Variants in AHDC1 observed in about 807,000 individuals in gnomAD.
AHDC1 encodes transcription factor Gibbin.
Under a neutral mutation model 87.9 loss-of-function variants are expected in AHDC1, and 7 were observed. The ratio of observed to expected loss-of-function variants is 0.08; its 90% CI spans 0.05 to 0.15. The LOEUF (loss-of-function observed/expected upper bound fraction) is 0.15, where lower values mean the gene tolerates loss of function less well. Ranked by LOEUF, AHDC1 falls within the 10% of genes least tolerant of loss-of-function variation. The pLI, the probability that AHDC1 is intolerant of heterozygous loss-of-function variation, is 1.00. For missense variants in AHDC1, 1,841 were observed against 2,253.2 expected, an observed-to-expected ratio of 0.82 and a Z score of 3.70; for synonymous variants, 1,051 against 1,006.8, an observed-to-expected ratio of 1.04 and a Z score of -0.83.
intron 3 of AHDC1, among the ~76,000 whole-genome samples, chr1:27,587,722 C>T (rs997921849): frequency 3.9e-5 from 6 of 152,132 alleles, no homozygotes; most frequent in Admixed American, 1.3e-4. Flanking sequence ...CATCTGATGT[C>T]CCCCCATGTC....
rs911417234 is a variant in AHDC1 at position 27,560,713 on chromosome 1, T to C, written c.-628-1830A>G. Reference sequence around the variant, plus strand: ...TGTCTCTGTGTATGTCAGTGGGTCCTTGTGCTATGTCACTGTATGATTGTG... The same window carrying C: ...TGTCTCTGTGTATGTCAGTGGGTCCCTGTGCTATGTCACTGTATGATTGTG... On this transcript the variant is annotated intron_variant, in intron 3 of 8. Coordinates refer to ENST00000673934, the MANE Select transcript of AHDC1 (RefSeq NM_001371928.1). This position sits in a 1 kb window ranked among gnomAD's most constrained non-coding sequence, Gnocchi z 4.1. 6.6e-6 allele frequency among the ~76,000 whole-genome samples: 1 copy of C among 152,192 alleles called. No homozygotes were observed. The highest frequency in any genetic ancestry group is 1.9e-4 in the East Asian group (1 of 5,204).
Position 27,563,117 on chromosome 1 carries a change from ACACACACGCACGCACGCATGCATG to A in AHDC1, c.-628-4258_-628-4235del, listed in dbSNP as rs2020169082. Among the ~76,000 whole-genome samples, 3 of 152,150 alleles carry A rather than the reference ACACACACGCACGCACGCATGCATG, an allele frequency of 2.0e-5. No homozygotes were observed. The highest frequency in any genetic ancestry group is 1.9e-4 in the East Asian group (1 of 5,180). ...CCTGTTACACAGCTGACCAAGACAC[ACACACACGCACGCACGCATGCATG>A]CACACACCCACACAAAGAACCTGTC... On this transcript the variant is annotated intron_variant, in intron 3 of 8. Transcript: ENST00000673934. This position sits in a 1 kb window ranked among gnomAD's most constrained non-coding sequence, Gnocchi z 6.1.
rs2019264432 is a variant in AHDC1 at position 27,547,866 on chromosome 1, G to A, written c.4250C>T (p.Thr1417Ile). The change falls in exon 8 of 9, where the codon ACA becomes ATA. Residue 1417 changes from threonine (T) to isoleucine (I), a missense_variant. Thr to Ile is a moderately conservative substitution (Grantham distance 89). Around this residue, in one of 13 missense-constraint regions of AHDC1, gnomAD observed 505 missense variants for 626.2 expected, o/e 0.81. Transcript: ENST00000673934. This position sits in a 1 kb window ranked among gnomAD's most constrained non-coding sequence, Gnocchi z 4.9. ...GAGGGGCTCGCAGGCAGCCAGCTTT[G>A]TGGGCGGTGGCCGCAGCTCTTCCTT... is the stretch of plus-strand genomic sequence containing the variant. Reference protein sequence around the residue: ...GFKEELRPPPTKLAACEPLKH... With the variant: ...GFKEELRPPPIKLAACEPLKH... 6.5e-7 allele frequency: 1 copy of A among 1,549,142 alleles called. No individual in the cohort carries two copies. Among genetic ancestry groups the A allele is most frequent in the African/African-American group, 1.4e-5 (1 of 73,462 alleles).
chr1:27,575,024 G>A (rs1281410768), intron 3 of AHDC1, among the ~76,000 whole-genome samples: 1 of 152,232 alleles, frequency 6.6e-6, no homozygotes, highest in Non-Finnish European at 1.5e-5. Context: ...CGGCTCCGCA[G>A]TTGGGAGGCG....
chr1:27,572,924 C>T (rs1320736907), intron 3 of AHDC1, among the ~76,000 whole-genome samples: 2 of 152,258 alleles, frequency 1.3e-5, no homozygotes, highest in African/African-American at 4.8e-5. Context: ...CACTGACACA[C>T]ACATTCCCTT....
At chr1:27,535,206 T>C (rs1198330157) in intron 8 of AHDC1, among the ~76,000 whole-genome samples, 1 of 152,184 alleles carries the variant, frequency 6.6e-6, no homozygotes, top group Non-Finnish European at 1.5e-5. Context: ...GCTTGGGCTC[T>C]GGAATCAGAC....
Position 27,563,168 on chromosome 1 carries a change from CAT to C in AHDC1, c.-628-4287_-628-4286del, listed in dbSNP as rs889509755. ...ACACACCCACACAAAGAACCTGTCA[CAT>C]AGTTGACCAAGACACACACACATGC... On this transcript the variant is annotated intron_variant, in intron 3 of 8. Transcript: ENST00000673934. The surrounding 1 kb of genome is among the most constrained non-coding windows in gnomAD (Gnocchi z 6.1). Among the ~76,000 whole-genome samples the C allele has an allele frequency of 1.4e-3, 214 of 150,994 alleles. No homozygotes were observed. The highest frequency in any genetic ancestry group is 1.9e-3 in the African/African-American group (77 of 41,044).
At position 27,548,739 on chromosome 1, in the gene AHDC1, T is replaced by C; in HGVS notation, c.3377A>G (p.Gln1126Arg). Residue 1126 changes from glutamine to arginine, a missense_variant, in exon 8 of 9, where the codon CAG (glutamine) becomes CGG (arginine). Gln to Arg is a conservative substitution (Grantham distance 43). Coordinates refer to ENST00000673934, the MANE Select transcript of AHDC1 (RefSeq NM_001371928.1). ...GLDWASEAFS[Q>R]LYNPSFDCHV... ...GCAGTCAAAACTGGGATTGTAGAGC[T>C]GACTAAAGGCCTCTGAGGCCCAGTC... is the stretch of plus-strand genomic sequence containing the variant. 1 of 1,613,250 alleles carries C rather than the reference T, an allele frequency of 6.2e-7. No homozygotes were observed. Among genetic ancestry groups the C allele is most frequent in the Non-Finnish European group, 8.5e-7 (1 of 1,180,034 alleles).
rs1028750183 is a variant in AHDC1, at chr1:27,593,579, C to T, written c.-629+9818G>A. 2.0e-5 allele frequency among the ~76,000 whole-genome samples: 3 copies of T among 152,232 alleles called. No individual in the cohort carries two copies. The highest frequency in any genetic ancestry group is 4.8e-5 in the African/African-American group (2 of 41,462). ...CCACAGCCACGGCTCCAGCTGGGGT[C>T]AGGCATGCCAGCTGTGCCAGGGCGG... On this transcript the variant is annotated intron_variant, in intron 3 of 8. Coordinates refer to ENST00000673934, the MANE Select transcript of AHDC1 (RefSeq NM_001371928.1). This position sits in a 1 kb window ranked among gnomAD's most constrained non-coding sequence, Gnocchi z 4.9.
At position 27,551,769 on chromosome 1, in the gene AHDC1, A is replaced by C. The variant is rs926292977; in HGVS notation, c.347T>G (p.Val116Gly). 2 of 1,613,066 alleles carry C rather than the reference A, an allele frequency of 1.2e-6. No homozygotes were observed. The highest frequency in any genetic ancestry group is 1.7e-6 in the Non-Finnish European group (2 of 1,179,808). The change falls in exon 8 of 9, where the codon GTG becomes GGG. Residue 116 changes from valine to glycine, a missense_variant. By Grantham distance (109) the Val-to-Gly change is moderately radical. Transcript: ENST00000673934. ...CAGCTGCACCACTGGTCGCAGGTTC[A>C]CCCGCCCGTTGTCCCAGCAGCGTCG... ...SSRRCWDNGR[V>G]NLRPVVQLID...
At chr1:27,588,868 C>T (rs895694667) in intron 3 of AHDC1, among the ~76,000 whole-genome samples, 2 of 151,862 alleles carry the variant, frequency 1.3e-5, no homozygotes, top group Admixed American at 6.6e-5. Flanking sequence ...CGTGTGTGTA[C>T]ATGATGGAGG....
intron 3 of AHDC1, among the ~76,000 whole-genome samples, chr1:27,599,550 G>C (rs1480012614): frequency 2.6e-5 from 4 of 152,192 alleles, no homozygotes; most frequent in Non-Finnish European, 5.9e-5. Context: ...TCCCAGCCTG[G>C]TCTTGCCAAA....
At chr1:27,581,449 C>T (rs545918000) in intron 3 of AHDC1, among the ~76,000 whole-genome samples, 3 of 151,546 alleles carry the variant, frequency 2.0e-5, no homozygotes, top group South Asian at 2.1e-4. Flanking sequence ...AAGGCAGGCA[C>T]GCCTTTAGTT....
In AHDC1 at chr1:27,550,998, G is replaced by A. The variant is rs2019520541; in HGVS notation, c.1118C>T (p.Pro373Leu). The part of the protein sequence containing the change: ...LRLDLCSPHG[P>L]PGPEGHPKYA... ...CTTGGGGTGACCCTCAGGCCCGGGG[G>A]GGCCGTGCGGTGAGCACAAGTCCAG... is the stretch of plus-strand genomic sequence containing the variant. The change falls in exon 8 of 9, where the codon CCC (proline) becomes CTC (leucine). Residue 373 changes from proline (P) to leucine (L), a missense_variant. Pro to Leu is a moderately conservative substitution (Grantham distance 98, BLOSUM62 -3). Around this residue, in one of 13 missense-constraint regions of AHDC1, gnomAD observed 370 missense variants for 391.5 expected, o/e 0.95. Coordinates refer to ENST00000673934, the MANE Select transcript of AHDC1 (RefSeq NM_001371928.1). 6.4e-7 allele frequency: 1 copy of A among 1,574,264 alleles called. No homozygotes were observed. Among genetic ancestry groups the A allele is most frequent in the Non-Finnish European group, 8.6e-7 (1 of 1,167,134 alleles).
At position 27,565,685 on chromosome 1, in the gene AHDC1, A is replaced by C. The variant is rs937965193; in HGVS notation, c.-628-6802T>G. On this transcript the variant is annotated intron_variant, in intron 3 of 8. Coordinates refer to ENST00000673934, the MANE Select transcript of AHDC1 (RefSeq NM_001371928.1). The surrounding 1 kb of genome is among the most constrained non-coding windows in gnomAD (Gnocchi z 4.6). ...GACATGAAGCAAGGATAGTATCCCT[A>C]TACCATCTGGGGAAACTGAGGCACA... Among the ~76,000 whole-genome samples, 1 of 152,194 alleles carries C rather than the reference A, an allele frequency of 6.6e-6. No homozygotes were observed. The highest frequency in any genetic ancestry group is 1.5e-5 in the Non-Finnish European group (1 of 68,036).
chr1:27,555,403 G>A (rs2019772996), intron 5 of AHDC1, among the ~76,000 whole-genome samples: 1 of 152,210 alleles, frequency 6.6e-6, no homozygotes, highest in African/African-American at 2.4e-5. Context: ...CCACCCAGGT[G>A]GAACATCCCT....
chr1:27,568,697 C>T (rs1214233940), intron 3 of AHDC1, among the ~76,000 whole-genome samples: 1 of 151,852 alleles, frequency 6.6e-6, no homozygotes, highest in Non-Finnish European at 1.5e-5. Flanking sequence ...ACCCTTTCCC[C>T]CGGCCGCGGC....
At position 27,603,868 on chromosome 1, in the gene AHDC1, G is replaced by A. The variant is rs892173960; in HGVS notation, c.-862-5C>T. On this transcript the variant is annotated splice_region_variant and splice_polypyrimidine_tract_variant and intron_variant, in intron 1 of 8. Coordinates refer to ENST00000673934, the MANE Select transcript of AHDC1 (RefSeq NM_001371928.1). ...TGCCTTTCTCTGCTCTCCAAGCTGGGTGGGAAAAGGAAATGAGGACAGAAA... is the reference window on the plus strand; with the variant it reads ...TGCCTTTCTCTGCTCTCCAAGCTGGATGGGAAAAGGAAATGAGGACAGAAA... The A allele has an allele frequency of 6.6e-6, 1 of 152,380 alleles. No homozygotes were observed. The highest frequency in any genetic ancestry group is 1.5e-5 in the Non-Finnish European group (1 of 68,286). The allele number at this position is 152,380 out of a possible 1,614,324, so 9.4% of individuals were successfully genotyped here. A position where few individuals can be genotyped will look rare whatever the true frequency, so the allele number is the denominator to read the frequency against.
intron 3 of AHDC1, among the ~76,000 whole-genome samples, chr1:27,581,041 G>T (rs1275623929): frequency 6.6e-6 from 1 of 152,114 alleles, no homozygotes; most frequent in Non-Finnish European, 1.5e-5. Context: ...CACCATGTTG[G>T]CCAGGCTGAT....
Sources: allele counts gnomAD v4.1 joint callset (sites outside exome capture counted in the v4.1 genomes callset), GRCh38; gene constraint gnomAD v4.1.1; regional missense constraint gnomAD v4.1.1; non-coding constraint Gnocchi (gnomAD v3.1); transcripts MANE v1.5; gene names NCBI Gene and HGNC (gene_info 2026-07-23, HGNC 2026-07-21).